EYA1: variants seen among roughly 807,000 people sequenced by gnomAD.
EYA1 encodes EYA transcriptional coactivator and phosphatase 1, also known as protein phosphatase EYA1.
Under a neutral mutation model 82.0 loss-of-function variants are expected in EYA1, and 16 were observed. That is an observed-to-expected ratio of 0.20 (90% CI 0.13 to 0.30). The LOEUF (loss-of-function observed/expected upper bound fraction) is 0.30. Among genes scored for constraint, EYA1 ranks in the 10% least tolerant of loss-of-function variants. The pLI is 1.00. For missense variants in EYA1, 633 were observed against 730.7 expected, an observed-to-expected ratio of 0.87 and a Z score of 1.54; for synonymous variants, 261 against 264.4, an observed-to-expected ratio of 0.99 and a Z score of 0.12.
chr8:71,316,776 G>A lies in EYA1; in HGVS notation c.556+776C>T, dbSNP rs142837134. Among the ~76,000 whole-genome samples, 922 of 152,240 alleles carry A rather than the reference G, an allele frequency of 6.1e-3. 15 individuals are homozygous for A. The highest frequency in any genetic ancestry group is 6.8e-3 in the Non-Finnish European group (464 of 67,996). ...ACTATTAGGAGGCCAAATATGATTC[G>A]TTGAACTGAACTGTAGTAAAGACAA... On this transcript the variant is annotated intron_variant, in intron 7 of 17. Coordinates refer to ENST00000340726, the MANE Select transcript of EYA1 (RefSeq NM_000503.6).
At chr8:71,457,730 G>A (rs938640403) in intron 2 of EYA1, among the ~76,000 whole-genome samples, 14 of 152,260 alleles carry the variant, frequency 9.2e-5, no homozygotes, top group African/African-American at 3.1e-4. Context: ...TTGGACACAG[G>A]AAGGGGAACA....
intron 2 of EYA1, among the ~76,000 whole-genome samples, chr8:71,530,483 G>A (rs1335764627): frequency 6.6e-6 from 1 of 152,188 alleles, no homozygotes; most frequent in Non-Finnish European, 1.5e-5. Flanking sequence ...TTTAAAAAAT[G>A]AAATTGTAAA....
chr8:71,461,014 G>T (rs1808318273), intron 2 of EYA1, among the ~76,000 whole-genome samples: 1 of 152,190 alleles, frequency 6.6e-6, no homozygotes, highest in South Asian at 2.1e-4. Flanking sequence ...AACAGCATAT[G>T]CAAATAAAAC....
At chr8:71,354,117 C>T (rs890490338) in intron 3 of EYA1, among the ~76,000 whole-genome samples, 6 of 151,616 alleles carry the variant, frequency 4.0e-5, no homozygotes, top group South Asian at 4.2e-4. Context: ...GTAGGTATTT[C>T]GACTTATATA....
chr8:71,372,895 A>G (rs1828164068), intron 2 of EYA1, among the ~76,000 whole-genome samples: 1 of 152,118 alleles, frequency 6.6e-6, no homozygotes, highest in Admixed American at 6.5e-5. Flanking sequence ...TGATCACCTC[A>G]ACAGGTGCAA....
chr8:71,243,147 T>C (rs1171587121), intron 12 of EYA1, among the ~76,000 whole-genome samples: 1 of 152,204 alleles, frequency 6.6e-6, no homozygotes, highest in Non-Finnish European at 1.5e-5. Context: ...TTCTTCTTGA[T>C]GTTTGTTATT....
At chr8:71,342,539 C>A (rs752913249) in intron 3 of EYA1, among the ~76,000 whole-genome samples, 1 of 152,146 alleles carries the variant, frequency 6.6e-6, no homozygotes, top group Non-Finnish European at 1.5e-5. Flanking sequence ...TTGTTCAGAT[C>A]TGTGGCTTCT....
At chr8:71,407,693 G>A (rs1830336733) in intron 2 of EYA1, among the ~76,000 whole-genome samples, 2 of 121,210 alleles carry the variant, frequency 1.7e-5, no homozygotes, top group South Asian at 2.7e-4. Flanking sequence ...AAAGAAATGA[G>A]CAAAGCCTCC....
chr8:71,250,847 A>T (rs1205777374), intron 11 of EYA1, among the ~76,000 whole-genome samples: 1 of 152,250 alleles, frequency 6.6e-6, no homozygotes, highest in Non-Finnish European at 1.5e-5. Flanking sequence ...GAAAAGCAAT[A>T]AATAGAGAAT....
chr8:71,441,700 A>G (rs1806446724), intron 2 of EYA1, among the ~76,000 whole-genome samples: 1 of 152,184 alleles, frequency 6.6e-6, no homozygotes, highest in South Asian at 2.1e-4. Context: ...CCTGTTTTTA[A>G]ATATTTAATG....
intron 9 of EYA1, among the ~76,000 whole-genome samples, chr8:71,275,869 C>G (rs1004569872): frequency 6.6e-6 from 1 of 152,208 alleles, no homozygotes; most frequent in African/African-American, 2.4e-5. Flanking sequence ...TATTTGACCC[C>G]TCTGCAGCTG....
At chr8:71,369,032 CAA>C (rs60647486) in intron 2 of EYA1, among the ~76,000 whole-genome samples, 10,112 of 112,376 alleles carry the variant, frequency 0.09, 341 homozygotes, top group African/African-American at 0.097. Flanking sequence ...ACTAAAAATA[CAA>C]AAAAAAAAAA....
At chr8:71,351,082 T>C (rs1271278572) in intron 3 of EYA1, among the ~76,000 whole-genome samples, 10 of 152,160 alleles carry the variant, frequency 6.6e-5, no homozygotes, top group Admixed American at 5.2e-4. Context: ...GAAGCCTATT[T>C]CTTAAAAGCT....
intron 2 of EYA1, among the ~76,000 whole-genome samples, chr8:71,474,649 T>C (rs567137227): frequency 1.3e-5 from 2 of 152,322 alleles, no homozygotes; most frequent in South Asian, 2.1e-4. Flanking sequence ...CTCTAGAATA[T>C]ATAAAATAAT....
intron 12 of EYA1, among the ~76,000 whole-genome samples, chr8:71,219,452 C>T (rs536819173): frequency 4.6e-5 from 7 of 152,208 alleles, no homozygotes; most frequent in African/African-American, 1.7e-4. Flanking sequence ...ATTAAAATGT[C>T]TATGTAAAAT....
At chr8:71,542,678 C>T (rs1815238908) in intron 1 of EYA1, among the ~76,000 whole-genome samples, 1 of 152,224 alleles carries the variant, frequency 6.6e-6, no homozygotes, top group Non-Finnish European at 1.5e-5. Context: ...ATATTCCCAC[C>T]TACAGAGTAT....
rs148564299 is a variant in EYA1, at chr8:71,262,506, C to T, written c.1050+7234G>A. Among the ~76,000 whole-genome samples, 532 of 152,256 alleles carry T rather than the reference C, an allele frequency of 3.5e-3. 3 individuals are homozygous for T. Among genetic ancestry groups the T allele is most frequent in the African/African-American group, 0.012 (502 of 41,542 alleles). On this transcript the variant is annotated intron_variant, in intron 11 of 17. Transcript: ENST00000340726. ...TTTCTAGGTGGTTCACATTGTTCCC[C>T]TAACAGCCCTGTAATTGCTCCCATT...
chr8:71,215,529 C>A lies in EYA1; in HGVS notation c.1476-21G>T, dbSNP rs3735935. The stretch of plus-strand genomic sequence containing the variant: ...TTGTCCTATGAGAACAAAAAGAAAA[C>A]AAAGACTGTTGAAAAATAAATCTCC... On this transcript the variant is annotated intron_variant, in intron 15 of 17. Coordinates refer to ENST00000340726, the MANE Select transcript of EYA1 (RefSeq NM_000503.6). 520,304 of 1,610,736 alleles carry A rather than the reference C, an allele frequency of 0.32. 91,815 individuals carry two copies. Among genetic ancestry groups the A allele is most frequent in the East Asian group, 0.76 (33,978 of 44,844 alleles).
intron 2 of EYA1, among the ~76,000 whole-genome samples, chr8:71,452,629 A>G (rs559648131): frequency 6.6e-6 from 1 of 152,336 alleles, no homozygotes; most frequent in African/African-American, 2.4e-5. Context: ...GCTGTTCTGC[A>G]GCCTCCGCTG....
Sources: gnomAD v4.1 joint callset for allele counts (sites outside exome capture counted in the v4.1 genomes callset) on GRCh38, gnomAD v4.1.1 for gene constraint, MANE v1.5 for transcripts, NCBI Gene and HGNC (gene_info 2026-07-23, HGNC 2026-07-21) for gene names.